Variants in INPP1 observed in about 807,000 individuals in gnomAD.
The protein encoded by INPP1 is inositol polyphosphate-1-phosphatase.
A neutral mutation model predicts 23.0 loss-of-function variants in INPP1; 18 were observed. The observed-to-expected ratio is 0.78, with a 90% CI of 0.54 to 1.16. The LOEUF (loss-of-function observed/expected upper bound fraction) is 1.16, where lower values mean the gene tolerates loss of function less well. Ranked by LOEUF, INPP1 falls within the 50% of genes most tolerant of loss-of-function variation. The pLI is 0.00. For missense variants in INPP1, 448 were observed against 482.1 expected (o/e 0.93, Z 0.66); for synonymous variants, 164 against 176.3 (o/e 0.93, Z 0.55).
chr2:190,370,942 C>T lies in INPP1; in HGVS notation c.740C>T (p.Thr247Ile). Residue 247 changes from threonine (T) to isoleucine (I), a missense_variant, in exon 7 of 7, where the codon ACT becomes ATT. Coordinates refer to ENST00000392329, the MANE Select transcript of INPP1 (RefSeq NM_001128928.2). Reference protein sequence around the residue: ...ISRRNGSETHTGNTGSEAAFS... With the variant: ...ISRRNGSETHIGNTGSEAAFS... ...AGAAGAAACGGCAGTGAAACACACA[C>T]TGGAAACACCGGCTCTGAGGCAGCA... 1 of 1,614,194 alleles carries T rather than the reference C, an allele frequency of 6.2e-7. No homozygotes were observed. Among genetic ancestry groups the T allele is most frequent in the East Asian group, 2.2e-5 (1 of 44,880 alleles).
rs1355676195 is a variant in INPP1, at chr2:190,345,081, A to G, written c.-209+1120A>G. 6.6e-6 allele frequency among the ~76,000 whole-genome samples: 1 copy of G among 152,176 alleles called. No homozygotes were observed. The highest frequency in any genetic ancestry group is 2.4e-5 in the African/African-American group (1 of 41,430). ...AAAAATAAAGGCAATGGAAGAATTCATTTTTTCAATACAGATATTTGTTTC... is the reference window on the plus strand; with the variant it reads ...AAAAATAAAGGCAATGGAAGAATTCGTTTTTTCAATACAGATATTTGTTTC... On this transcript the variant is annotated intron_variant, in intron 1 of 6. Transcript: ENST00000392329. The surrounding 1 kb of genome is among the most constrained non-coding windows in gnomAD (Gnocchi z 4.9).
In INPP1 at chr2:190,363,814, A is replaced by G. The variant is rs1245978358; in HGVS notation, c.265+1127A>G. On this transcript the variant is annotated intron_variant, in intron 4 of 6. Coordinates refer to ENST00000392329, the MANE Select transcript of INPP1 (RefSeq NM_001128928.2). This position sits in a 1 kb window ranked among gnomAD's most constrained non-coding sequence, Gnocchi z 4.4. ...TCACAAACAGCTATTTTAATACATCATTTGTCTAGAATTATAGAGGCAAAA... is the reference window on the plus strand; with the variant it reads ...TCACAAACAGCTATTTTAATACATCGTTTGTCTAGAATTATAGAGGCAAAA... 6.6e-6 allele frequency among the ~76,000 whole-genome samples: 1 copy of G among 152,192 alleles called. No homozygotes were observed. Among genetic ancestry groups the G allele is most frequent in the Non-Finnish European group, 1.5e-5 (1 of 68,042 alleles).
intron 3 of INPP1, among the ~76,000 whole-genome samples, chr2:190,361,457 CAT>C (rs1286665661): frequency 1.3e-5 from 2 of 152,162 alleles, no homozygotes; most frequent in African/African-American, 4.8e-5. Context: ...TTTTTCATGT[CAT>C]ATAAAATCTT....
Position 190,365,869 on chromosome 2 carries a change from CTCTT to C in INPP1, c.266-825_266-822del, listed in dbSNP as rs1372114380. ...TCGCTGTCTCTCTCGCTCTCTGTCT[CTCTT>C]GCTCTGTCTCTCTCTGTGTCTCTTG... On this transcript the variant is annotated intron_variant, in intron 4 of 6. Coordinates refer to ENST00000392329, the MANE Select transcript of INPP1 (RefSeq NM_001128928.2). Among the ~76,000 whole-genome samples, 21 of 22,184 alleles carry C rather than the reference CTCTT, an allele frequency of 9.5e-4. No homozygotes were observed. In the Admixed American group the frequency reaches 9.7e-3, roughly 10 times the overall value. 14.6% of individuals were successfully genotyped at this position (22,184 alleles called of 152,430 possible).
chr2:190,348,030 A>C (rs1044297171), intron 1 of INPP1, among the ~76,000 whole-genome samples: 2 of 152,094 alleles, frequency 1.3e-5, no homozygotes, highest in African/African-American at 2.4e-5. Flanking sequence ...CCCAGCTACT[A>C]GGGGGGCTAA....
In INPP1 at chr2:190,345,433, T is replaced by C. The variant is rs1689194496; in HGVS notation, c.-209+1472T>C. ...GACAAAAGTTATAAAGGTTATTATA[T>C]ATTTATTTTGCTTTTTAATTCTGTC... On this transcript the variant is annotated intron_variant, in intron 1 of 6. Coordinates refer to ENST00000392329, the MANE Select transcript of INPP1 (RefSeq NM_001128928.2). This position sits in a 1 kb window ranked among gnomAD's most constrained non-coding sequence, Gnocchi z 4.9. 6.6e-6 allele frequency: 1 copy of C among 152,250 alleles called. No homozygotes were observed. Among genetic ancestry groups the C allele is most frequent in the African/African-American group, 2.4e-5 (1 of 41,466 alleles). The allele number at this position is 152,250 out of a possible 1,614,324, so 9.4% of individuals were successfully genotyped here. A position where few individuals can be genotyped will look rare whatever the true frequency, so the allele number is the denominator to read the frequency against.
Position 190,371,394 on chromosome 2 carries a change from C to T in INPP1, c.1192C>T (p.His398Tyr). ...CCAAAACCTGGCACCTGCAGAGACG[C>T]ATACCTAGAGGAACTCTAACCCCGG... ...LVQNLAPAET[H>Y]T The change falls in exon 7 of 7, where the codon CAT becomes TAT. Residue 398 changes from histidine to tyrosine, a missense_variant. Coordinates refer to ENST00000392329, the MANE Select transcript of INPP1 (RefSeq NM_001128928.2). This position sits in a 1 kb window ranked among gnomAD's most constrained non-coding sequence, Gnocchi z 5.3. 13 of 1,520,368 alleles carry T rather than the reference C, an allele frequency of 8.6e-6. No individual in the cohort carries two copies. The highest frequency in any genetic ancestry group is 1.1e-5 in the Non-Finnish European group (13 of 1,136,438). The allele number at this position is 1,520,368 out of a possible 1,614,324, so 94.2% of individuals were successfully genotyped here.
At chr2:190,359,608 A>G (rs536101616) in intron 2 of INPP1, 3 of 155,002 alleles carry the variant, frequency 1.9e-5, no homozygotes, top group South Asian at 2.0e-4. Context: ...AACTGACAGC[A>G]TAAGTCCTCA....
intron 6 of INPP1, among the ~76,000 whole-genome samples, chr2:190,370,191 G>T (rs556491290): frequency 6.6e-6 from 1 of 152,362 alleles, no homozygotes; most frequent in Admixed American, 6.5e-5. Flanking sequence ...GTGAGACTTT[G>T]TGGGTTTGAA....
At chr2:190,353,805 T>C (rs1421407297) in intron 2 of INPP1, among the ~76,000 whole-genome samples, 2 of 152,228 alleles carry the variant, frequency 1.3e-5, no homozygotes, top group Non-Finnish European at 2.9e-5. Flanking sequence ...GAAATATGTC[T>C]AAATTATTCA....
rs1689381013 is a variant in INPP1 at position 190,354,489 on chromosome 2, C to G, written c.-65+5458C>G. ...TGAGGTCATACAGGCGGATCCTTAT[C>G]CAGTCTGACTGGCGTCCTTGTAAGA... On this transcript the variant is annotated intron_variant, in intron 2 of 6. Transcript: ENST00000392329. This position sits in a 1 kb window ranked among gnomAD's most constrained non-coding sequence, Gnocchi z 4.8. Among the ~76,000 whole-genome samples the G allele has an allele frequency of 6.6e-6, 1 of 152,134 alleles. No individual in the cohort carries two copies. The highest frequency in any genetic ancestry group is 2.4e-5 in the African/African-American group (1 of 41,406).
rs1689800469 is a variant in INPP1 at position 190,371,321 on chromosome 2, T to G, written c.1119T>G (p.Ile373Met). The G allele has an allele frequency of 6.3e-7, 1 of 1,592,958 alleles. No individual in the cohort carries two copies. Among genetic ancestry groups the G allele is most frequent in the Non-Finnish European group, 8.6e-7 (1 of 1,168,382 alleles). Reference sequence around the variant, plus strand: ...GGTGGGCCAACAAGGGAGGACTCATTGCATACAGATCCAGGAAGCGGCTGG... The same window carrying G: ...GGTGGGCCAACAAGGGAGGACTCATGGCATACAGATCCAGGAAGCGGCTGG... ...VDRWANKGGL[I>M]AYRSRKRLET... The change falls in exon 7 of 7, where the codon ATT becomes ATG. Residue 373 changes from isoleucine to methionine, a missense_variant. By Grantham distance (10) the Ile-to-Met change is conservative (BLOSUM62 1). Coordinates refer to ENST00000392329, the MANE Select transcript of INPP1 (RefSeq NM_001128928.2). This position sits in a 1 kb window ranked among gnomAD's most constrained non-coding sequence, Gnocchi z 5.3.
At chr2:190,359,816 G>T in intron 2 of INPP1, 1 of 323,484 alleles carries the variant, frequency 3.1e-6, no homozygotes, top group Non-Finnish European at 5.9e-6. Context: ...TTAATTCTTG[G>T]TATATTTTTG....
intron 1 of INPP1, among the ~76,000 whole-genome samples, chr2:190,347,007 CTTTTT>C (rs1214998960): frequency 3.4e-5 from 4 of 116,040 alleles, no homozygotes; most frequent in Non-Finnish European, 5.3e-5. Context: ...TTATTAGTAG[CTTTTT>C]TTTTTTTTTT....
In INPP1 at chr2:190,364,606, T is replaced by TTG. The variant is rs796196740; in HGVS notation, c.265+1919_265+1920insTG. Among the ~76,000 whole-genome samples, 44 of 96,350 alleles carry TTG rather than the reference T, an allele frequency of 4.6e-4. 3 individuals are homozygous for TTG. Among genetic ancestry groups the TTG allele is most frequent in the East Asian group, 2.0e-3 (5 of 2,472 alleles). 63.2% of individuals were successfully genotyped at this position (96,350 alleles called of 152,430 possible). A position where few individuals can be genotyped will look rare whatever the true frequency, so the allele number is the denominator to read the frequency against. Reference sequence around the variant, plus strand: ...GAGGTTCTGATTTTTTTTTTTTTTTTGTTAGATGGAGTCTCCCTCTGTTGC... The same window carrying TTG: ...GAGGTTCTGATTTTTTTTTTTTTTTTTGGTTAGATGGAGTCTCCCTCTGTTGC... On this transcript the variant is annotated intron_variant, in intron 4 of 6. Coordinates refer to ENST00000392329, the MANE Select transcript of INPP1 (RefSeq NM_001128928.2).
At chr2:190,349,138 A>T (rs1455271224) in intron 2 of INPP1, 107 bp downstream of exon 2, 1 of 152,228 alleles carries the variant, frequency 6.6e-6, no homozygotes, top group African/African-American at 2.4e-5. Flanking sequence ...GTTACATTCA[A>T]AATAGATTGA....
intron 1 of INPP1, among the ~76,000 whole-genome samples, chr2:190,344,714 T>TA (rs1689182602): frequency 6.6e-6 from 1 of 152,204 alleles, no homozygotes; most frequent in African/African-American, 2.4e-5. Flanking sequence ...GAAAAACACT[T>TA]ATAAGAAACC....
intron 2 of INPP1, among the ~76,000 whole-genome samples, chr2:190,359,444 C>G (rs1175901866): frequency 6.6e-6 from 1 of 151,762 alleles, no homozygotes; most frequent in Non-Finnish European, 1.5e-5. Context: ...GTAGTCCCAC[C>G]TACTCGGGAG....
intron 3 of INPP1, among the ~76,000 whole-genome samples, chr2:190,360,681 A>G (rs984793862): frequency 6.6e-6 from 1 of 152,224 alleles, no homozygotes. Context: ...AACCACAGCT[A>G]TGCTTTGATA....
Sources: allele counts gnomAD v4.1 joint callset (sites outside exome capture counted in the v4.1 genomes callset), GRCh38; gene constraint gnomAD v4.1.1; non-coding constraint Gnocchi (gnomAD v3.1); transcripts MANE v1.5; gene names NCBI Gene and HGNC (gene_info 2026-07-23, HGNC 2026-07-21).